BNIP3L: variants seen among roughly 807,000 people sequenced by gnomAD.
The protein encoded by BNIP3L is BCL2/adenovirus E1B 19 kDa protein-interacting protein 3-like.
In BNIP3L, 10 loss-of-function variants were observed where a neutral mutation model predicts 25.5. That is an observed-to-expected ratio of 0.39 (90% CI 0.24 to 0.67). The LOEUF is 0.67. Ranked by LOEUF, BNIP3L falls within the 30% of genes least tolerant of loss-of-function variation. The pLI is 0.45. For synonymous variants in BNIP3L, 113 were observed against 101.2 expected (o/e 1.12, Z -0.70); for missense variants, 215 against 270.9 (o/e 0.79, Z 1.45).
chr8:26,402,784 A>G (rs1806416580), intron 3 of BNIP3L, among the ~76,000 whole-genome samples: 1 of 152,276 alleles, frequency 6.6e-6, no homozygotes. Context: ...AAAAAAAGAA[A>G]TGGGTTTAAT....
rs150951738 is a variant in BNIP3L at position 26,391,403 on chromosome 8, C to T, written c.261C>T (p.Ser87=). ...AACATGAATCAGGACAGAGTAGTTC[C>T]AGAGGCAGTTCTCACTGTGACAGGT... ...DAQHESGQSS[S]RGSSHCDSPS... Residue 87 remains serine (S), a synonymous_variant, in exon 2 of 6, where the codon TCC becomes TCT. Transcript: ENST00000380629. The T allele has an allele frequency of 9.6e-6, 15 of 1,562,796 alleles. No individual in the cohort carries two copies. The highest frequency in any genetic ancestry group is 1.1e-5 in the Non-Finnish European group (13 of 1,153,310).
intron 2 of BNIP3L, among the ~76,000 whole-genome samples, chr8:26,394,951 A>G (rs948836169): frequency 1.3e-5 from 2 of 152,230 alleles, no homozygotes; most frequent in African/African-American, 4.8e-5. Flanking sequence ...AGAATGTGAC[A>G]GTTTGTGTCT....
chr8:26,412,655 A>G lies in BNIP3L; in HGVS notation c.*2243A>G, dbSNP rs1806655971. ...CCCTAACACATGGGATGAACGTTTTACTGCTACACCCAGATTTGTGTTGAA... is the reference window on the plus strand; with the variant it reads ...CCCTAACACATGGGATGAACGTTTTGCTGCTACACCCAGATTTGTGTTGAA... On this transcript the variant is annotated 3_prime_UTR_variant, in exon 6 of 6. Transcript: ENST00000380629. 6.6e-6 allele frequency: 1 copy of G among 152,658 alleles called. No individual in the cohort carries two copies. Among genetic ancestry groups the G allele is most frequent in the South Asian group, 2.1e-4 (1 of 4,836 alleles). The allele number at this position is 152,658 out of a possible 1,614,324, so 9.5% of individuals were successfully genotyped here. A position where few individuals can be genotyped will look rare whatever the true frequency, so the allele number is the denominator to read the frequency against.
rs1457070275 is a variant in BNIP3L at position 26,412,786 on chromosome 8, G to T, written c.*2374G>T. ...CTGTTTACAATTTGGGGACAAAAAGGCAGGCTTCATTTTTCATATGTTTGA... is the reference window on the plus strand; with the variant it reads ...CTGTTTACAATTTGGGGACAAAAAGTCAGGCTTCATTTTTCATATGTTTGA... On this transcript the variant is annotated 3_prime_UTR_variant, in exon 6 of 6. Transcript: ENST00000380629. The T allele has an allele frequency of 6.6e-6, 1 of 152,578 alleles. No homozygotes were observed. The highest frequency in any genetic ancestry group is 1.5e-5 in the Non-Finnish European group (1 of 68,020). 9.5% of individuals were successfully genotyped at this position (152,578 alleles called of 1,614,324 possible).
intron 1 of BNIP3L, chr8:26,390,353 C>A: frequency 1.0e-6 from 1 of 985,228 alleles, no homozygotes; most frequent in African/African-American, 1.7e-5. Flanking sequence ...TGGCACATCC[C>A]CTTTTTCTGT....
At position 26,391,319 on chromosome 8, in the gene BNIP3L, C is replaced by T. The variant is rs376700228; in HGVS notation, c.177C>T (p.His59=). Residue 59 remains histidine, a synonymous_variant, in exon 2 of 6, where the codon CAC becomes CAT. Coordinates refer to ENST00000380629, the MANE Select transcript of BNIP3L (RefSeq NM_004331.3). ...ATGGGAAAAATGGGGGGCTGGAACA[C>T]GTACCATCCTCATCCTCCATCCACA... ...NGNGKNGGLE[H]VPSSSSIHNG... is the part of the protein sequence containing the mutation. The T allele has an allele frequency of 6.1e-5, 99 of 1,612,030 alleles. No individual in the cohort carries two copies. Among genetic ancestry groups the T allele is most frequent in the South Asian group, 2.5e-4 (23 of 90,580 alleles).
rs1226464917 is a variant in BNIP3L, at chr8:26,411,646, C to G, written c.*1234C>G. 1 of 152,618 alleles carries G rather than the reference C, an allele frequency of 6.6e-6. No individual in the cohort carries two copies. Among genetic ancestry groups the G allele is most frequent in the Non-Finnish European group, 1.5e-5 (1 of 68,044 alleles). The allele number at this position is 152,618 out of a possible 1,614,324, so 9.5% of individuals were successfully genotyped here. A position where few individuals can be genotyped will look rare whatever the true frequency, so the allele number is the denominator to read the frequency against. ...GTAAACTCTTAAAGTTCAGAACACT[C>G]AACAGATTCCTTCAGTGATATACTT... On this transcript the variant is annotated 3_prime_UTR_variant, in exon 6 of 6. Coordinates refer to ENST00000380629, the MANE Select transcript of BNIP3L (RefSeq NM_004331.3).
rs544868108 is a variant in BNIP3L, at chr8:26,412,373, G to C, written c.*1961G>C. 6.6e-6 allele frequency: 1 copy of C among 151,318 alleles called. No individual in the cohort carries two copies. Among genetic ancestry groups the C allele is most frequent in the Non-Finnish European group, 1.5e-5 (1 of 67,986 alleles). 9.4% of individuals were successfully genotyped at this position (151,318 alleles called of 1,614,324 possible). Reference sequence around the variant, plus strand: ...AATTTCTATTACAATTGGTATTACAGGGGGGAAAAGTAAAATTACACTTTA... The same window carrying C: ...AATTTCTATTACAATTGGTATTACACGGGGGAAAAGTAAAATTACACTTTA... On this transcript the variant is annotated 3_prime_UTR_variant, in exon 6 of 6. Transcript: ENST00000380629.
At chr8:26,402,683 G>A (rs1806414085) in intron 3 of BNIP3L, among the ~76,000 whole-genome samples, 1 of 152,134 alleles carries the variant, frequency 6.6e-6, no homozygotes, top group African/African-American at 2.4e-5. Context: ...TCAGCTACTT[G>A]GGAGGTGGAG....
chr8:26,404,330 A>G (rs1806453501), intron 3 of BNIP3L, among the ~76,000 whole-genome samples: 1 of 152,242 alleles, frequency 6.6e-6, no homozygotes, highest in South Asian at 2.1e-4. Flanking sequence ...TGATCCAAAC[A>G]GAAAATATCC....
rs1190740095 is a variant in BNIP3L at position 26,410,446 on chromosome 8, C to T, written c.*34C>T. On this transcript the variant is annotated 3_prime_UTR_variant, in exon 6 of 6. Coordinates refer to ENST00000380629, the MANE Select transcript of BNIP3L (RefSeq NM_004331.3). ...AAAAGCCCCTGGAAATGCGTGTGAC[C>T]TGTGAAGTGGTGTATTGTCACAGTA... 6.2e-7 allele frequency: 1 copy of T among 1,612,536 alleles called. No individual in the cohort carries two copies. Among genetic ancestry groups the T allele is most frequent in the Middle Eastern group, 1.7e-4 (1 of 6,056 alleles).
Position 26,411,274 on chromosome 8 carries a change from T to C in BNIP3L, c.*862T>C, listed in dbSNP as rs960560791. The stretch of plus-strand genomic sequence containing the variant: ...GCTGCATGTGAATTTTTCATGACCT[T>C]CTTTACATTTTTTATTTTTTATTTC... On this transcript the variant is annotated 3_prime_UTR_variant, in exon 6 of 6. Coordinates refer to ENST00000380629, the MANE Select transcript of BNIP3L (RefSeq NM_004331.3). The C allele has an allele frequency of 6.6e-6, 1 of 152,612 alleles. No individual in the cohort carries two copies. The highest frequency in any genetic ancestry group is 2.4e-5 in the African/African-American group (1 of 41,460). The allele number at this position is 152,612 out of a possible 1,614,324, so 9.5% of individuals were successfully genotyped here.
intron 1 of BNIP3L, among the ~76,000 whole-genome samples, chr8:26,386,764 G>T (rs1806002320): frequency 6.6e-6 from 1 of 152,088 alleles, no homozygotes; most frequent in African/African-American, 2.4e-5. Context: ...TTGCTTTCTT[G>T]TTATGAAGAG....
At chr8:26,392,593 G>T (rs1021131563) in intron 2 of BNIP3L, among the ~76,000 whole-genome samples, 1 of 151,012 alleles carries the variant, frequency 6.6e-6, no homozygotes, top group Non-Finnish European at 1.5e-5. Context: ...TGTCATCCCT[G>T]ACTTGTCCCT....
intron 1 of BNIP3L, among the ~76,000 whole-genome samples, chr8:26,386,356 G>A (rs1805991695): frequency 6.6e-6 from 1 of 152,194 alleles, no homozygotes. Flanking sequence ...GAAAATCAAA[G>A]TAGTAGTGTA....
At chr8:26,404,684 T>A (rs1184693248) in intron 3 of BNIP3L, among the ~76,000 whole-genome samples, 1 of 152,172 alleles carries the variant, frequency 6.6e-6, no homozygotes, top group Non-Finnish European at 1.5e-5. Context: ...ATTTTTGTAT[T>A]TTTAGTAGAG....
chr8:26,409,492 G>A (rs1806573350), intron 5 of BNIP3L, among the ~76,000 whole-genome samples: 1 of 152,118 alleles, frequency 6.6e-6, no homozygotes, highest in South Asian at 2.1e-4. Context: ...TCTCTTGGGT[G>A]CTTGATCTGC....
chr8:26,385,105 G>C lies in BNIP3L; in HGVS notation c.100+1875G>C, dbSNP rs185085477. Reference sequence around the variant, plus strand: ...TCTTTTCAGTGGTGCAGAACCTCCTGCTGGTGTGTGTGTCTTATTTTGTCA... The same window carrying C: ...TCTTTTCAGTGGTGCAGAACCTCCTCCTGGTGTGTGTGTCTTATTTTGTCA... On this transcript the variant is annotated intron_variant, in intron 1 of 5. Transcript: ENST00000380629. Among the ~76,000 whole-genome samples the C allele has an allele frequency of 3.3e-3, 501 of 152,222 alleles. 6 individuals are homozygous for C. Among genetic ancestry groups the C allele is most frequent in the African/African-American group, 0.011 (473 of 41,544 alleles).
At chr8:26,387,657 TTAA>T (rs1380036958) in intron 1 of BNIP3L, among the ~76,000 whole-genome samples, 1 of 152,228 alleles carries the variant, frequency 6.6e-6, no homozygotes, top group African/African-American at 2.4e-5. Context: ...ACTCAAAAGA[TTAA>T]TATGTAGCCT....
Sources: gnomAD v4.1 joint callset for allele counts (sites outside exome capture counted in the v4.1 genomes callset) on GRCh38, gnomAD v4.1.1 for gene constraint, MANE v1.5 for transcripts, NCBI Gene and HGNC (gene_info 2026-07-23, HGNC 2026-07-21) for gene names.